PROZ: variants seen among roughly 807,000 people sequenced by gnomAD.
PROZ encodes vitamin K-dependent protein Z.
In PROZ, 46 loss-of-function variants were observed where a neutral mutation model predicts 34.9. The ratio of observed to expected loss-of-function variants is 1.32; its 90% CI spans 1.04 to 1.69. PROZ has a LOEUF of 1.69. PROZ is among the 40% of genes most tolerant of loss of function. PROZ has a pLI of 0.00. For missense variants in PROZ, 530 were observed against 520.4 expected (o/e 1.02, Z -0.18); for synonymous variants, 195 against 208.5 (o/e 0.94, Z 0.56).
chr13:113,168,575 T>C (rs1430116447), intron 6 of PROZ, among the ~76,000 whole-genome samples: 1 of 152,260 alleles, frequency 6.6e-6, no homozygotes, highest in Non-Finnish European at 1.5e-5. Context: ...AGATTTTAAA[T>C]GCTTTTTAAT....
At chr13:113,161,267 C>G (rs2036755198) in intron 3 of PROZ, among the ~76,000 whole-genome samples, 1 of 152,240 alleles carries the variant, frequency 6.6e-6, no homozygotes, top group Non-Finnish European at 1.5e-5. Flanking sequence ...CCCAGAGCAG[C>G]TCCTCCAGCC....
chr13:113,170,930 T>C (rs2037092369), intron 7 of PROZ, among the ~76,000 whole-genome samples: 1 of 99,234 alleles, frequency 1.0e-5, no homozygotes, highest in African/African-American at 3.0e-5. Context: ...ATTTCTTTCT[T>C]TTTTTTTTTT....
At position 113,172,196 on chromosome 13, in the gene PROZ, C is replaced by T; in HGVS notation, c.*91C>T. 1 of 1,528,376 alleles carries T rather than the reference C, an allele frequency of 6.5e-7. No individual in the cohort carries two copies. Among genetic ancestry groups the T allele is most frequent in the Non-Finnish European group, 8.9e-7 (1 of 1,125,764 alleles). The allele number at this position is 1,528,376 out of a possible 1,614,324, so 94.7% of individuals were successfully genotyped here. A position where few individuals can be genotyped will look rare whatever the true frequency, so the allele number is the denominator to read the frequency against. On this transcript the variant is annotated 3_prime_UTR_variant, in exon 8 of 8. Transcript: ENST00000375547. ...TGTGGAGGGCGCTGAAACTTCATCACACACTGAGAGGCCGTCACAGCCCCA... is the reference window on the plus strand; with the variant it reads ...TGTGGAGGGCGCTGAAACTTCATCATACACTGAGAGGCCGTCACAGCCCCA...
Position 113,159,051 on chromosome 13 carries a change from C to A in PROZ, c.70+321C>A. ...GGGGAGGCCTGGGTTGGGCATTGGA[C>A]GAGGGGAGGGGGTGGGGCAGGCTGA... On this transcript the variant is annotated intron_variant, in intron 1 of 7. Coordinates refer to ENST00000375547, the MANE Select transcript of PROZ (RefSeq NM_003891.3). This position sits in a 1 kb window ranked among gnomAD's most constrained non-coding sequence, Gnocchi z 4.6. The A allele has an allele frequency of 2.6e-6, 1 of 385,156 alleles. No homozygotes were observed. The highest frequency in any genetic ancestry group is 4.9e-5 in the South Asian group (1 of 20,264). 23.9% of individuals were successfully genotyped at this position (385,156 alleles called of 1,614,324 possible). A position where few individuals can be genotyped will look rare whatever the true frequency, so the allele number is the denominator to read the frequency against.
Position 113,163,019 on chromosome 13 carries a change from G to T in PROZ, c.270G>T (p.Pro90=). Residue 90 remains proline (P), a synonymous_variant, in exon 4 of 8, where the codon CCG becomes CCT. Transcript: ENST00000375547. The part of the protein sequence containing the change: ...EFWRRYKGGS[P]CISQPCLHNG... ...ATCCTCCTCCTGCAGGCGGCTCCCC[G>T]TGCATCTCCCAGCCCTGCCTCCACA... is the stretch of plus-strand genomic sequence containing the variant. 7.6e-7 allele frequency: 1 copy of T among 1,307,762 alleles called. No homozygotes were observed. The allele number at this position is 1,307,762 out of a possible 1,614,324, so 81.0% of individuals were successfully genotyped here.
intron 3 of PROZ, among the ~76,000 whole-genome samples, chr13:113,161,277 C>T (rs185375596): frequency 3.9e-5 from 6 of 152,362 alleles, no homozygotes; most frequent in Admixed American, 6.5e-5. Flanking sequence ...CTCCTCCAGC[C>T]GCCTGGCTCC....
chr13:113,163,220 C>T, intron 4 of PROZ, 98 bp downstream of exon 4: 1 of 1,045,954 alleles, frequency 9.6e-7, no homozygotes, highest in East Asian at 2.6e-5. Context: ...TGAGGTGTAG[C>T]CATGAAGGTG....
chr13:113,161,804 A>AGGTCCCCGTCCCTGCCACGTCCCCT (rs2036767930), intron 3 of PROZ, among the ~76,000 whole-genome samples: 1 of 39,758 alleles, frequency 2.5e-5, no homozygotes, highest in Non-Finnish European at 5.0e-5. Flanking sequence ...CCACCTCCTC[A>AGGTCCCCGTCCCTGCCACGTCCCCT]CATCCTCCTC....
Position 113,164,505 on chromosome 13 carries a change from C to CA in PROZ, c.374-8_374-7insA. On this transcript the variant is annotated splice_region_variant and splice_polypyrimidine_tract_variant and intron_variant, in intron 4 of 7. Coordinates refer to ENST00000375547, the MANE Select transcript of PROZ (RefSeq NM_003891.3). Reference sequence around the variant, plus strand: ...GCTAGCATTTCCTTTTTTTTTTTTCCTTTTCAGCTAAAAATGAATGTCACC... The same window carrying CA: ...GCTAGCATTTCCTTTTTTTTTTTTCCATTTTCAGCTAAAAATGAATGTCACC... 1 of 1,604,996 alleles carries CA rather than the reference C, an allele frequency of 6.2e-7. No homozygotes were observed.
rs1595131701 is a variant in PROZ, at chr13:113,172,226, A to C, written c.*121A>C. 7.1e-7 allele frequency: 1 copy of C among 1,399,738 alleles called. No homozygotes were observed. The highest frequency in any genetic ancestry group is 1.2e-5 in the South Asian group (1 of 80,660). 86.7% of individuals were successfully genotyped at this position (1,399,738 alleles called of 1,614,324 possible). ...TGAGAGGCCGTCACAGCCCCAGACC[A>C]CCCGCTTGGCCCACGCAGCAGCAGA... On this transcript the variant is annotated 3_prime_UTR_variant, in exon 8 of 8. Transcript: ENST00000375547.
Position 113,171,875 on chromosome 13 carries a change from G to T in PROZ, c.973G>T (p.Glu325Ter). The change falls in exon 8 of 8, where the codon GAG becomes TAG. Residue 325 changes from glutamate (E) to a stop codon, truncating the protein, a stop_gained. Coordinates refer to ENST00000375547, the MANE Select transcript of PROZ (RefSeq NM_003891.3). LOFTEE classifies it low-confidence loss of function (END_TRUNC). This position sits in a 1 kb window ranked among gnomAD's most constrained non-coding sequence, Gnocchi z 5.1. The part of the protein sequence containing the change: ...TTRPVTLVEG[E>*]ECGQVLNVTV... ...GCGGCCTGTCACACTTGTGGAGGGG[G>T]AGGAGTGCGGGCAGGTCCTGAATGT... The T allele has an allele frequency of 6.2e-7, 1 of 1,613,740 alleles. No individual in the cohort carries two copies. The highest frequency in any genetic ancestry group is 8.5e-7 in the Non-Finnish European group (1 of 1,180,046).
chr13:113,165,180 T>C (rs894759727), intron 6 of PROZ, 60 bp downstream of exon 6: 2 of 1,524,834 alleles, frequency 1.3e-6, no homozygotes, highest in African/African-American at 1.4e-5. Context: ...TCACTTGTCA[T>C]TTCCTAAATA....
chr13:113,171,810 G>T lies in PROZ; in HGVS notation c.908G>T (p.Trp303Leu). The T allele has an allele frequency of 6.2e-7, 1 of 1,613,574 alleles. No individual in the cohort carries two copies. Among genetic ancestry groups the T allele is most frequent in the Non-Finnish European group, 8.5e-7 (1 of 1,179,958 alleles). ...CGCACCAGGGGCCTCCTCAGCGGCTGGGCACGCAATGGCACTGACCTGGGC... is the reference window on the plus strand; with the variant it reads ...CGCACCAGGGGCCTCCTCAGCGGCTTGGCACGCAATGGCACTGACCTGGGC... ...IPRTRGLLSG[W>L]ARNGTDLGNS... The change falls in exon 8 of 8, where the codon TGG (tryptophan) becomes TTG (leucine). Residue 303 changes from tryptophan (W) to leucine (L), a missense_variant. Transcript: ENST00000375547. The surrounding 1 kb of genome is among the most constrained non-coding windows in gnomAD (Gnocchi z 5.1).
At chr13:113,167,937 T>C (rs1186826183) in intron 6 of PROZ, among the ~76,000 whole-genome samples, 1 of 152,200 alleles carries the variant, frequency 6.6e-6, no homozygotes, top group Non-Finnish European at 1.5e-5. Context: ...TCATCTCTGG[T>C]TCTTTGTTGG....
intron 6 of PROZ, chr13:113,165,949 C>T (rs1419594235): frequency 6.6e-6 from 1 of 152,342 alleles, no homozygotes; most frequent in East Asian, 1.9e-4. Flanking sequence ...CATTCTGGGT[C>T]CATTTGCTGT....
intron 6 of PROZ, among the ~76,000 whole-genome samples, chr13:113,167,394 C>T (rs902812561): frequency 2.0e-5 from 3 of 152,228 alleles, no homozygotes; most frequent in Non-Finnish European, 2.9e-5. Flanking sequence ...CACTTTCTCA[C>T]TTGGCTCAGC....
rs528254247 is a variant in PROZ at position 113,162,998 on chromosome 13, T to C, written c.260-11T>C. 4.0e-5 allele frequency: 42 copies of C among 1,044,138 alleles called. No individual in the cohort carries two copies. In the Admixed American group the frequency reaches 6.3e-4, roughly 16 times the overall value. 64.7% of individuals were successfully genotyped at this position (1,044,138 alleles called of 1,614,324 possible). ...GTCACCACCACCCCAACCCCCATCC[T>C]CCTCCTGCAGGCGGCTCCCCGTGCA... On this transcript the variant is annotated splice_polypyrimidine_tract_variant and intron_variant, in intron 3 of 7. Transcript: ENST00000375547.
intron 6 of PROZ, among the ~76,000 whole-genome samples, chr13:113,165,570 A>C (rs1346338165): frequency 1.3e-5 from 2 of 151,970 alleles, no homozygotes; most frequent in African/African-American, 4.8e-5. Flanking sequence ...TCAATCTGTC[A>C]CCCAGCCTGG....
intron 6 of PROZ, among the ~76,000 whole-genome samples, chr13:113,167,408 T>C (rs1242248024): frequency 6.6e-6 from 1 of 152,254 alleles, no homozygotes; most frequent in Non-Finnish European, 1.5e-5. Flanking sequence ...GCTCAGCATT[T>C]TGCATTAGAC....
Sources: allele counts gnomAD v4.1 joint callset (sites outside exome capture counted in the v4.1 genomes callset), GRCh38; gene constraint gnomAD v4.1.1; non-coding constraint Gnocchi (gnomAD v3.1); transcripts MANE v1.5; gene names NCBI Gene and HGNC (gene_info 2026-07-23, HGNC 2026-07-21).